The following CCSER2 variants were observed in gnomAD, a reference collection of about 807,000 sequenced individuals.
The protein encoded by CCSER2 is serine-rich coiled-coil domain-containing protein 2.
Under a neutral mutation model 92.3 loss-of-function variants are expected in CCSER2, and 46 were observed. That is an observed-to-expected ratio of 0.50 (90% confidence interval 0.39 to 0.64). The LOEUF is 0.64. Among genes scored for constraint, CCSER2 ranks in the 30% least tolerant of loss-of-function variants. CCSER2 has a pLI of 0.00. For missense variants in CCSER2, 1,244 were observed against 1,238.9 expected, an observed-to-expected ratio of 1.00 and a Z score of -0.06; for synonymous variants, 433 against 431.4, an observed-to-expected ratio of 1.00 and a Z score of -0.04.
intron 3 of CCSER2, among the ~76,000 whole-genome samples, chr10:84,400,661 C>T (rs978846725): frequency 6.6e-6 from 1 of 152,194 alleles, no homozygotes; most frequent in South Asian, 2.1e-4. Flanking sequence ...TGCCTGTAAT[C>T]CCAGCACTTT....
chr10:84,471,125 A>G (rs923675039), intron 8 of CCSER2, among the ~76,000 whole-genome samples: 2 of 152,142 alleles, frequency 1.3e-5, no homozygotes, highest in Non-Finnish European at 2.9e-5. Flanking sequence ...TGGTCTAACA[A>G]AGCAATTTGG....
At chr10:84,431,108 T>C (rs1843738146) in intron 5 of CCSER2, among the ~76,000 whole-genome samples, 1 of 152,204 alleles carries the variant, frequency 6.6e-6, no homozygotes, top group African/African-American at 2.4e-5. Context: ...TGAGTCAATA[T>C]TGATATTTTA....
At chr10:84,347,777 G>A (rs1476266817) in intron 1 of CCSER2, among the ~76,000 whole-genome samples, 2 of 151,298 alleles carry the variant, frequency 1.3e-5, no homozygotes, top group African/African-American at 2.4e-5. Flanking sequence ...CTTCTCAGAC[G>A]GGGCGGCTGG....
intron 6 of CCSER2, among the ~76,000 whole-genome samples, chr10:84,449,155 A>G (rs1237431677): frequency 6.6e-6 from 1 of 152,182 alleles, no homozygotes; most frequent in Admixed American, 6.5e-5. Context: ...TAGGTGGATC[A>G]CCTGGGGTCA....
intron 9 of CCSER2, among the ~76,000 whole-genome samples, chr10:84,499,411 T>TG (rs556311596): frequency 3.6e-4 from 55 of 152,290 alleles, no homozygotes; most frequent in African/African-American, 1.2e-3. Context: ...TGGGATTACA[T>TG]GCGTGAGCCC....
At chr10:84,413,779 C>T (rs911774456) in intron 3 of CCSER2, among the ~76,000 whole-genome samples, 4 of 152,028 alleles carry the variant, frequency 2.6e-5, no homozygotes, top group Admixed American at 6.6e-5. Flanking sequence ...TGGGAGTCTG[C>T]GTCTCTTTGT....
intron 6 of CCSER2, among the ~76,000 whole-genome samples, chr10:84,463,113 C>G (rs2133666589): frequency 6.6e-6 from 1 of 152,274 alleles, no homozygotes; most frequent in East Asian, 1.9e-4. Flanking sequence ...CATGTGGTTT[C>G]TTAGTACTAA....
rs969362404 is a variant in CCSER2, at chr10:84,513,896, C to G, written c.2773C>G (p.Pro925Ala). 43 of 1,536,302 alleles carry G rather than the reference C, an allele frequency of 2.8e-5. No homozygotes were observed. Among genetic ancestry groups the G allele is most frequent in the Non-Finnish European group, 3.2e-5 (37 of 1,146,948 alleles). The change falls in exon 10 of 10, where the codon CCA becomes GCA. Residue 925 changes from proline to alanine, a missense_variant. By Grantham distance (27) the Pro-to-Ala change is conservative (BLOSUM62 -1). Transcript: ENST00000372088. ...SQPKSLQLLK[P>A]SILSSLVPPP... ...GCCCAAGTCCTTGCAGCTTTTAAAG[C>G]CATCCATATTGAGTTCTTTGGTACC...
chr10:84,367,559 TG>T (rs1470068064), intron 1 of CCSER2, among the ~76,000 whole-genome samples: 1 of 151,982 alleles, frequency 6.6e-6, no homozygotes, highest in East Asian at 1.9e-4. Context: ...GTATTTTTTT[TG>T]TAGAGATGAG....
intron 1 of CCSER2, among the ~76,000 whole-genome samples, chr10:84,332,406 A>AT (rs1192301220): frequency 1.0e-5 from 1 of 96,314 alleles, no homozygotes; most frequent in South Asian, 3.3e-4. Context: ...TATTAAATTT[A>AT]TTTTTTTATA....
At chr10:84,343,329 T>C (rs1020513309) in intron 1 of CCSER2, among the ~76,000 whole-genome samples, 1 of 152,202 alleles carries the variant, frequency 6.6e-6, no homozygotes, top group African/African-American at 2.4e-5. Context: ...TCATTTTCCA[T>C]TTGTTGTCAA....
At chr10:84,424,645 CAG>C (rs1843333581) in intron 4 of CCSER2, among the ~76,000 whole-genome samples, 2 of 151,240 alleles carry the variant, frequency 1.3e-5, no homozygotes, top group African/African-American at 2.4e-5. Flanking sequence ...TTCAGTGAAA[CAG>C]TAATTTAAAT....
intron 9 of CCSER2, among the ~76,000 whole-genome samples, chr10:84,488,074 A>G (rs1847916693): frequency 6.6e-6 from 1 of 152,210 alleles, no homozygotes; most frequent in African/African-American, 2.4e-5. Flanking sequence ...CCAGCCTTGC[A>G]TCCCAGGGAT....
chr10:84,355,163 T>C (rs932266112), intron 1 of CCSER2, among the ~76,000 whole-genome samples: 7 of 151,070 alleles, frequency 4.6e-5, no homozygotes, highest in African/African-American at 1.7e-4. Flanking sequence ...AGGTCAGATC[T>C]TTTTTTTTAA....
At position 84,438,676 on chromosome 10, in the gene CCSER2, A is replaced by C; in HGVS notation, c.2033A>C (p.Gln678Pro). The change falls in exon 6 of 10, where the codon CAG (glutamine) becomes CCG (proline). Residue 678 changes from glutamine to proline, a missense_variant. Physicochemically the swap from Gln to Pro is moderately conservative, Grantham distance 76 (BLOSUM62 -1). Transcript: ENST00000372088. ...MVQDCTAVKT[Q>P]LLKLKRLLHQ... ...CAGGATTGCACTGCTGTAAAAACTC[A>C]GTTACTCAAACTGAAACGTCTCCTG... 1 of 1,610,020 alleles carries C rather than the reference A, an allele frequency of 6.2e-7. No individual in the cohort carries two copies. The highest frequency in any genetic ancestry group is 8.5e-7 in the Non-Finnish European group (1 of 1,178,136).
At position 84,514,356 on chromosome 10, in the gene CCSER2, G is replaced by A. The variant is rs1849523805; in HGVS notation, c.*89G>A. On this transcript the variant is annotated 3_prime_UTR_variant, in exon 10 of 10. Transcript: ENST00000372088. ...GCAGCTTGCAGCTTGCTACTGTGGTGGAGGTTCCATTGAAAGCCTGCAAAT... is the reference window on the plus strand; with the variant it reads ...GCAGCTTGCAGCTTGCTACTGTGGTAGAGGTTCCATTGAAAGCCTGCAAAT... 2.2e-6 allele frequency: 2 copies of A among 928,960 alleles called. No homozygotes were observed. Among genetic ancestry groups the A allele is most frequent in the Non-Finnish European group, 3.1e-6 (2 of 637,324 alleles). 57.5% of individuals were successfully genotyped at this position (928,960 alleles called of 1,614,324 possible).
intron 6 of CCSER2, chr10:84,455,284 T>TTTTTC (rs1430885925): frequency 2.2e-5 from 1 of 45,962 alleles, no homozygotes; most frequent in Admixed American, 3.0e-4. Context: ...TTTCTTTTTC[T>TTTTTC]TTTTTTTTTT....
chr10:84,367,319 T>G (rs1044934233), intron 1 of CCSER2, among the ~76,000 whole-genome samples: 2 of 152,136 alleles, frequency 1.3e-5, no homozygotes, highest in African/African-American at 4.8e-5. Flanking sequence ...TATCTTTCTG[T>G]TCAGCCTTTG....
chr10:84,397,745 T>C (rs192324314), intron 3 of CCSER2, among the ~76,000 whole-genome samples: 3 of 152,310 alleles, frequency 2.0e-5, no homozygotes, highest in East Asian at 1.9e-4. Flanking sequence ...CTACAACATA[T>C]TACATTACTG....
Sources: gnomAD v4.1 joint callset for allele counts (sites outside exome capture counted in the v4.1 genomes callset) on GRCh38, gnomAD v4.1.1 for gene constraint, MANE v1.5 for transcripts, NCBI Gene and HGNC (gene_info 2026-07-23, HGNC 2026-07-21) for gene names.